Variants in SKA2 observed in about 807,000 individuals in gnomAD.
SKA2 encodes spindle and kinetochore-associated protein 2.
Under a neutral mutation model 16.9 loss-of-function variants are expected in SKA2, and 13 were observed. That is an observed-to-expected ratio of 0.77 (90% CI 0.50 to 1.22). The LOEUF is 1.22. Ranked by LOEUF, SKA2 falls within the 50% of genes most tolerant of loss-of-function variation. The pLI is 0.00. For missense variants in SKA2, 107 were observed against 139.7 expected, an observed-to-expected ratio of 0.77 and a Z score of 1.18; for synonymous variants, 47 against 48.5, an observed-to-expected ratio of 0.97 and a Z score of 0.13.
At chr17:59,151,881 A>T in intron 1 of SKA2, 1 of 152,198 alleles carries the variant, frequency 6.6e-6, no homozygotes, top group East Asian at 1.9e-4. Context: ...ATCCAAGGGG[A>T]TTTTAAAATT....
In SKA2 at chr17:59,119,482, G is replaced by A. The variant is rs1038072175; in HGVS notation, c.134C>T (p.Thr45Ile). The A allele has an allele frequency of 1.9e-6, 3 of 1,612,456 alleles. No homozygotes were observed. Among genetic ancestry groups the A allele is most frequent in the Non-Finnish European group, 2.5e-6 (3 of 1,179,490 alleles). The change falls in exon 3 of 4, where the codon ACA becomes ATA. Residue 45 changes from threonine (T) to isoleucine (I), a missense_variant. Transcript: ENST00000330137. ...TATCACTGACAATTCCTTTAAGAGT[G>A]TAACTGGATTTTTCTATGTCAGGAA... ...PDSASEKNPVTLLKELSVIKS... is the reference protein window; with the variant it reads ...PDSASEKNPVILLKELSVIKS...
chr17:59,154,926 C>G lies in SKA2; in HGVS notation c.33+205G>C, dbSNP rs748948409. The G allele has an allele frequency of 1.9e-6, 3 of 1,610,398 alleles. No homozygotes were observed. In the African/African-American group the frequency reaches 4.0e-5, roughly 21 times the overall value. On this transcript the variant is annotated intron_variant, in intron 1 of 3. Coordinates refer to ENST00000330137, the MANE Select transcript of SKA2 (RefSeq NM_182620.4). ...ACCCTCAGCATCTCCCGCCATTTCC[C>G]TGACGAGTTTCCCGGATGTAACCCC... is the stretch of plus-strand genomic sequence containing the variant.
chr17:59,113,977 T>G (rs1348842699), intron 3 of SKA2, among the ~76,000 whole-genome samples: 1 of 152,198 alleles, frequency 6.6e-6, no homozygotes, highest in East Asian at 1.9e-4. Flanking sequence ...GATAGTGCCT[T>G]TACCCTCAAG....
At chr17:59,115,629 C>G (rs985788725) in intron 3 of SKA2, among the ~76,000 whole-genome samples, 3 of 151,246 alleles carry the variant, frequency 2.0e-5, no homozygotes, top group Non-Finnish European at 4.4e-5. Flanking sequence ...AGTCTCGTTC[C>G]ATCGCCCAGG....
In SKA2 at chr17:59,155,079, G is replaced by A. The variant is rs760145872; in HGVS notation, c.33+52C>T. The A allele has an allele frequency of 3.7e-6, 6 of 1,613,986 alleles. No individual in the cohort carries two copies. The East Asian group carries it at 1.3e-4, about 36-fold the overall frequency. On this transcript the variant is annotated intron_variant, in intron 1 of 3. Coordinates refer to ENST00000330137, the MANE Select transcript of SKA2 (RefSeq NM_182620.4). Reference sequence around the variant, plus strand: ...CTCCAAATTGTGCCCCACCTCCGAGGCCATGGGGGAAAAATAAACTACCCA... The same window carrying A: ...CTCCAAATTGTGCCCCACCTCCGAGACCATGGGGGAAAAATAAACTACCCA...
At chr17:59,154,329 A>G (rs1774695905) in intron 1 of SKA2, among the ~76,000 whole-genome samples, 1 of 152,234 alleles carries the variant, frequency 6.6e-6, no homozygotes, top group African/African-American at 2.4e-5. Context: ...TGAGGGACGG[A>G]TCCTTAAAGA....
intron 1 of SKA2, among the ~76,000 whole-genome samples, chr17:59,144,022 G>A (rs918722465): frequency 2.6e-5 from 4 of 151,964 alleles, no homozygotes; most frequent in South Asian, 2.1e-4. Context: ...GAGGCGTGGC[G>A]TCATGCGCCT....
chr17:59,142,911 G>A (rs1311254774), intron 1 of SKA2, among the ~76,000 whole-genome samples: 2 of 135,210 alleles, frequency 1.5e-5, no homozygotes, highest in Non-Finnish European at 1.6e-5. Flanking sequence ...TGGGCAACAA[G>A]AGCGTAACCC....
intron 1 of SKA2, among the ~76,000 whole-genome samples, chr17:59,142,040 C>T (rs1383317786): frequency 6.6e-6 from 1 of 152,150 alleles, no homozygotes; most frequent in Admixed American, 6.6e-5. Context: ...AAGCTGCACA[C>T]TGTCAATTCT....
At chr17:59,149,756 A>T (rs2046562897) in intron 1 of SKA2, among the ~76,000 whole-genome samples, 1 of 152,214 alleles carries the variant, frequency 6.6e-6, no homozygotes, top group Non-Finnish European at 1.5e-5. Context: ...TGAATCTCAA[A>T]GCATTATGCT....
intron 2 of SKA2, among the ~76,000 whole-genome samples, chr17:59,128,464 A>C (rs1829426022): frequency 6.6e-6 from 1 of 151,716 alleles, no homozygotes; most frequent in African/African-American, 2.4e-5. Flanking sequence ...GTCTCTACTA[A>C]AAAATACAAA....
intron 1 of SKA2, 200 bp downstream of exon 1, chr17:59,154,931 G>T (rs1599685305): frequency 2.5e-6 from 4 of 1,610,778 alleles, no homozygotes; most frequent in Non-Finnish European, 3.4e-6. Flanking sequence ...TTTCCCTGAC[G>T]AGTTTCCCGG....
At chr17:59,129,962 AAGGAAGGG>A (rs1338779288) in intron 2 of SKA2, among the ~76,000 whole-genome samples, 1 of 133,498 alleles carries the variant, frequency 7.5e-6, no homozygotes, top group Admixed American at 7.9e-5. Flanking sequence ...GGAGGGAAGG[AAGGAAGGG>A]AGGAAGGGAG....
chr17:59,137,766 T>C (rs1262776048), intron 1 of SKA2: 2 of 526,868 alleles, frequency 3.8e-6, no homozygotes, highest in Non-Finnish European at 7.7e-6. Flanking sequence ...AGCCTGCCCA[T>C]TGTTCTTTCC....
intron 3 of SKA2, among the ~76,000 whole-genome samples, chr17:59,116,365 T>C (rs2046295954): frequency 6.6e-6 from 1 of 152,082 alleles, no homozygotes; most frequent in African/African-American, 2.4e-5. Flanking sequence ...AGAGGGAGAC[T>C]CCGTCTCAAA....
At chr17:59,145,349 C>T (rs917573059) in intron 1 of SKA2, among the ~76,000 whole-genome samples, 3 of 152,168 alleles carry the variant, frequency 2.0e-5, no homozygotes, top group African/African-American at 7.2e-5. Context: ...CAACAGTATA[C>T]TGCAACCCTT....
intron 1 of SKA2, chr17:59,137,715 C>G: frequency 2.0e-6 from 1 of 508,448 alleles, no homozygotes. Flanking sequence ...TGTTTTCTTC[C>G]TAAAGATGAC....
chr17:59,132,766 CTA>C (rs1014589860), intron 1 of SKA2, among the ~76,000 whole-genome samples: 2 of 152,290 alleles, frequency 1.3e-5, no homozygotes, highest in Admixed American at 1.3e-4. Flanking sequence ...ACATTTTACT[CTA>C]TTTCTGTAGT....
intron 1 of SKA2, among the ~76,000 whole-genome samples, chr17:59,136,191 G>A (rs1235213317): frequency 1.3e-5 from 2 of 151,984 alleles, no homozygotes; most frequent in Admixed American, 6.6e-5. Flanking sequence ...ACCGAGTTTC[G>A]CTCTTGTCAC....
Sources: gnomAD v4.1 joint callset for allele counts (sites outside exome capture counted in the v4.1 genomes callset) on GRCh38, gnomAD v4.1.1 for gene constraint, MANE v1.5 for transcripts, NCBI Gene and HGNC (gene_info 2026-07-23, HGNC 2026-07-21) for gene names.